The following BBX variants were observed in gnomAD, a reference collection of about 807,000 sequenced individuals.
The protein encoded by BBX is BBX high mobility group box domain containing.
In BBX, 30 loss-of-function variants were observed where a neutral mutation model predicts 100.2. That is an observed-to-expected ratio of 0.30 (90% CI 0.22 to 0.41). The LOEUF is 0.41. Among genes scored for constraint, BBX ranks in the 10% least tolerant of loss-of-function variants. The pLI is 1.00. For missense variants in BBX, 1,023 were observed against 1,129.8 expected (o/e 0.91, Z 1.35); for synonymous variants, 376 against 388.1 (o/e 0.97, Z 0.37).
chr3:107,725,963 G>A (rs1296038260), intron 5 of BBX, among the ~76,000 whole-genome samples: 6 of 152,052 alleles, frequency 3.9e-5, no homozygotes, highest in Non-Finnish European at 8.8e-5. Flanking sequence ...TAGCTTTTCT[G>A]ATGTTTTCGG....
At chr3:107,641,863 G>A (rs576980699) in intron 2 of BBX, 2 of 152,298 alleles carry the variant, frequency 1.3e-5, no homozygotes, top group Non-Finnish European at 2.9e-5. Flanking sequence ...AAAGACAGAC[G>A]GGTAATTTTA....
At chr3:107,723,976 G>C (rs2062732126) in intron 5 of BBX, among the ~76,000 whole-genome samples, 1 of 152,174 alleles carries the variant, frequency 6.6e-6, no homozygotes, top group Non-Finnish European at 1.5e-5. Flanking sequence ...GATCCTTGAG[G>C]AATCGCCACA....
At chr3:107,563,558 T>C (rs951841306) in intron 2 of BBX, among the ~76,000 whole-genome samples, 6 of 152,214 alleles carry the variant, frequency 3.9e-5, no homozygotes, top group African/African-American at 1.4e-4. Flanking sequence ...GTTTTAAAAA[T>C]TGATGTTTCT....
chr3:107,685,094 A>G (rs2059773551), intron 3 of BBX, among the ~76,000 whole-genome samples: 1 of 152,230 alleles, frequency 6.6e-6, no homozygotes, highest in Admixed American at 6.5e-5. Flanking sequence ...AGTATAATCT[A>G]TAGAGAAACT....
chr3:107,616,005 C>CTTTTTTTTTTTTTTTT (rs59614452), intron 2 of BBX, among the ~76,000 whole-genome samples: 4 of 19,248 alleles, frequency 2.1e-4, no homozygotes, highest in Admixed American at 1.3e-3. Context: ...TACTCACCTG[C>CTTTTTTTTTTTTTTTT]TTTTTTTTTT....
chr3:107,544,699 C>T (rs1287818569), intron 2 of BBX, among the ~76,000 whole-genome samples: 1 of 151,652 alleles, frequency 6.6e-6, no homozygotes, highest in African/African-American at 2.4e-5. Context: ...AGCGAAACCC[C>T]ATCTCTATAA....
At chr3:107,540,328 A>C (rs904824585) in intron 2 of BBX, among the ~76,000 whole-genome samples, 1 of 152,338 alleles carries the variant, frequency 6.6e-6, no homozygotes, top group African/African-American at 2.4e-5. Context: ...CTTAAAGCAA[A>C]AATTGTGACC....
chr3:107,666,357 CT>C (rs2058741688), intron 3 of BBX, among the ~76,000 whole-genome samples: 1 of 152,160 alleles, frequency 6.6e-6, no homozygotes, highest in African/African-American at 2.4e-5. Context: ...CATTACGCTC[CT>C]CATGATGTTA....
intron 10 of BBX, among the ~76,000 whole-genome samples, chr3:107,763,736 G>A (rs2066121012): frequency 6.6e-6 from 1 of 152,092 alleles, no homozygotes. Context: ...ACATCCTTAG[G>A]AATCCTAGGT....
At chr3:107,768,605 A>T (rs1576713373) in intron 10 of BBX, among the ~76,000 whole-genome samples, 1 of 152,204 alleles carries the variant, frequency 6.6e-6, no homozygotes, top group East Asian at 1.9e-4. Flanking sequence ...ATAAGAAAAA[A>T]TGGAAAGTCT....
At chr3:107,763,297 T>C (rs908381108) in intron 10 of BBX, among the ~76,000 whole-genome samples, 5 of 151,228 alleles carry the variant, frequency 3.3e-5, no homozygotes, top group Admixed American at 6.6e-5. Context: ...CGATCTCGGC[T>C]CACTGCAAGC....
chr3:107,795,184 GT>G (rs1286756562), intron 15 of BBX, among the ~76,000 whole-genome samples: 1 of 152,194 alleles, frequency 6.6e-6, no homozygotes, highest in Non-Finnish European at 1.5e-5. Context: ...TTTTGTGCTT[GT>G]TTCCCTCTCT....
chr3:107,592,977 G>A (rs2053439694), intron 2 of BBX, among the ~76,000 whole-genome samples: 2 of 152,058 alleles, frequency 1.3e-5, no homozygotes, highest in Non-Finnish European at 2.9e-5. Flanking sequence ...TTTCAAAATT[G>A]TCTCTAAGTA....
At chr3:107,533,469 G>A (rs768633544) in intron 2 of BBX, among the ~76,000 whole-genome samples, 8 of 152,148 alleles carry the variant, frequency 5.3e-5, no homozygotes, top group Non-Finnish European at 1.2e-4. Context: ...CAAATGTACA[G>A]GTGTAAGGCA....
At chr3:107,539,075 G>T (rs2048698872) in intron 2 of BBX, among the ~76,000 whole-genome samples, 1 of 152,064 alleles carries the variant, frequency 6.6e-6, no homozygotes, top group South Asian at 2.1e-4. Flanking sequence ...CAGGTGTGAG[G>T]CACTGCACCT....
At chr3:107,533,064 T>A (rs1228942343) in intron 2 of BBX, among the ~76,000 whole-genome samples, 1 of 152,096 alleles carries the variant, frequency 6.6e-6, no homozygotes, top group Non-Finnish European at 1.5e-5. Flanking sequence ...TTTAAAGTAG[T>A]TTTCAAGCCT....
At position 107,528,910 on chromosome 3, in the gene BBX, G is replaced by C. The variant is rs536061893; in HGVS notation, c.-84+2512G>C. Among the ~76,000 whole-genome samples, 3 of 152,214 alleles carry C rather than the reference G, an allele frequency of 2.0e-5. No individual in the cohort carries two copies. In the South Asian group the frequency reaches 6.2e-4, roughly 32 times the overall value. ...TATATGTTTTCTTACATTTCATAAA[G>C]AACATGGGTAAAAGCAAGGGGTATA... On this transcript the variant is annotated intron_variant, in intron 2 of 17. Transcript: ENST00000325805.
At chr3:107,755,247 C>A (rs1252288793) in intron 9 of BBX, among the ~76,000 whole-genome samples, 1 of 152,072 alleles carries the variant, frequency 6.6e-6, no homozygotes, top group African/African-American at 2.4e-5. Flanking sequence ...TTGGTAAATG[C>A]AAAATAACTC....
intron 2 of BBX, among the ~76,000 whole-genome samples, chr3:107,554,936 C>T (rs1398933216): frequency 2.6e-5 from 4 of 151,790 alleles, no homozygotes; most frequent in African/African-American, 4.8e-5. Context: ...GGCATGGTGA[C>T]GCATGCCTGT....
Sources: gnomAD v4.1 joint callset for allele counts (sites outside exome capture counted in the v4.1 genomes callset) on GRCh38, gnomAD v4.1.1 for gene constraint, MANE v1.5 for transcripts, NCBI Gene and HGNC (gene_info 2026-07-23, HGNC 2026-07-21) for gene names.